The following ADGRB1 variants were observed in gnomAD, a reference collection of about 807,000 sequenced individuals.
The protein encoded by ADGRB1 is brain-specific angiogenesis inhibitor 1.
Under a neutral mutation model 175.7 loss-of-function variants are expected in ADGRB1, and 36 were observed. The ratio of observed to expected loss-of-function variants is 0.20; its 90% CI spans 0.16 to 0.27. The LOEUF (loss-of-function observed/expected upper bound fraction) is 0.27. Ranked by LOEUF, ADGRB1 falls within the 10% of genes least tolerant of loss-of-function variation. The pLI, the probability that ADGRB1 is intolerant of heterozygous loss-of-function variation, is 1.00. For missense variants in ADGRB1, 1,731 were observed against 2,255.3 expected (o/e 0.77, Z 4.71); for synonymous variants, 1,054 against 979.4 (o/e 1.08, Z -1.42).
chr8:142,481,806 A>T (rs767031849), intron 11 of ADGRB1, 95 bp downstream of exon 11: 1 of 1,118,336 alleles, frequency 8.9e-7, no homozygotes, highest in Non-Finnish European at 1.2e-6. Flanking sequence ...CCCTGGCCAC[A>T]GCCCAGGCCC....
chr8:142,454,758 G>T (rs915318691), intron 1 of ADGRB1, among the ~76,000 whole-genome samples: 3 of 152,040 alleles, frequency 2.0e-5, no homozygotes, highest in African/African-American at 7.2e-5. Context: ...GGCTCCGGAC[G>T]TCTCCACTCC....
At chr8:142,458,665 G>A (rs183045125) in intron 1 of ADGRB1, among the ~76,000 whole-genome samples, 3 of 151,920 alleles carry the variant, frequency 2.0e-5, no homozygotes, top group Non-Finnish European at 4.4e-5. Context: ...GGCACCCCCC[G>A]CCCTCCCTGA....
In ADGRB1 at chr8:142,489,036, G is replaced by A. The variant is rs2131873663; in HGVS notation, c.2454G>A (p.Glu818=). 1 of 1,611,818 alleles carries A rather than the reference G, an allele frequency of 6.2e-7. No individual in the cohort carries two copies. The highest frequency in any genetic ancestry group is 1.7e-5 in the Admixed American group (1 of 59,906). ...SKSVFSTGLT[E]ADEASVFVVG... is the part of the protein sequence containing the mutation. ...GGTTGACAGTGCACTTTCTTCCAGA[G>A]GCCGATGAAGCATCCGTGTTTGTGG... Residue 818 remains glutamate (E), a splice_region_variant and synonymous_variant, in exon 15 of 31, where the codon GAG becomes GAA. Coordinates refer to ENST00000517894, the MANE Select transcript of ADGRB1 (RefSeq NM_001702.3).
chr8:142,534,683 C>T (rs1036963080), intron 25 of ADGRB1, among the ~76,000 whole-genome samples: 14 of 152,196 alleles, frequency 9.2e-5, no homozygotes, highest in Non-Finnish European at 1.9e-4. Flanking sequence ...ATGAGGACAG[C>T]AGAGCTCCTG....
chr8:142,462,201 C>T (rs895793042), intron 1 of ADGRB1, among the ~76,000 whole-genome samples: 16 of 152,138 alleles, frequency 1.1e-4, no homozygotes, highest in Non-Finnish European at 1.9e-4. Flanking sequence ...AAAAAATTTT[C>T]TCTTGGGAGC....
chr8:142,544,722 G>A lies in ADGRB1; in HGVS notation c.*305G>A, dbSNP rs1256768813. 4.1e-6 allele frequency: 1 copy of A among 241,142 alleles called. No individual in the cohort carries two copies. The highest frequency in any genetic ancestry group is 2.3e-5 in the African/African-American group (1 of 44,276). The allele number at this position is 241,142 out of a possible 1,614,324, so 14.9% of individuals were successfully genotyped here. A position where few individuals can be genotyped will look rare whatever the true frequency, so the allele number is the denominator to read the frequency against. On this transcript the variant is annotated 3_prime_UTR_variant, in exon 31 of 31. Coordinates refer to ENST00000517894, the MANE Select transcript of ADGRB1 (RefSeq NM_001702.3). ...CGGCTGTGGACCGTGGACAGGCCCA[G>A]CGCGGCCAGCGTCCCAGGGTACCCG...
rs1244302657 is a variant in ADGRB1, at chr8:142,510,431, C to T, written c.2676-501C>T. Reference sequence around the variant, plus strand: ...CCAGCCGGCGCCCTGGGCCGCGGGGCCGGAGAGCTCCGGAGCGGACCCTCG... The same window carrying T: ...CCAGCCGGCGCCCTGGGCCGCGGGGTCGGAGAGCTCCGGAGCGGACCCTCG... On this transcript the variant is annotated intron_variant, in intron 17 of 30. Transcript: ENST00000517894. The surrounding 1 kb of genome is among the most constrained non-coding windows in gnomAD (Gnocchi z 6.3). Among the ~76,000 whole-genome samples, 5 of 152,010 alleles carry T rather than the reference C, an allele frequency of 3.3e-5. No homozygotes were observed. The highest frequency in any genetic ancestry group is 1.2e-4 in the African/African-American group (5 of 41,528).
chr8:142,469,504 AATGT>A (rs776764234), intron 2 of ADGRB1, among the ~76,000 whole-genome samples: 2 of 107,902 alleles, frequency 1.9e-5, no homozygotes, highest in Non-Finnish European at 2.0e-5. Flanking sequence ...TGCATGTGTG[AATGT>A]GTGTGTATGC....
intron 1 of ADGRB1, among the ~76,000 whole-genome samples, chr8:142,453,582 CT>C (rs1405506432): frequency 6.6e-6 from 1 of 152,196 alleles, no homozygotes; most frequent in Non-Finnish European, 1.5e-5. Flanking sequence ...TGGGATCCCC[CT>C]GTAGACAGCC....
intron 19 of ADGRB1, among the ~76,000 whole-genome samples, chr8:142,519,578 GGTGGTGGTGATT>G (rs1257874807): frequency 2.0e-5 from 3 of 151,938 alleles, no homozygotes; most frequent in Non-Finnish European, 2.9e-5. Context: ...TGATGGTGGT[GGTGGTGGTGATT>G]GTGGTGGTGA....
intron 24 of ADGRB1, among the ~76,000 whole-genome samples, chr8:142,532,199 C>T (rs1844660160): frequency 6.6e-6 from 1 of 152,306 alleles, no homozygotes; most frequent in South Asian, 2.1e-4. Context: ...TGATGACAGT[C>T]CTGCGGGCTG....
intron 4 of ADGRB1, 64 bp from the exon 5 acceptor site, chr8:142,477,050 C>G: frequency 6.9e-7 from 1 of 1,440,370 alleles, no homozygotes; most frequent in Non-Finnish European, 9.1e-7. Flanking sequence ...GCTGCGGGGT[C>G]TGGCCCCGGT....
At chr8:142,467,739 G>A (rs190083112) in intron 2 of ADGRB1, among the ~76,000 whole-genome samples, 13 of 152,334 alleles carry the variant, frequency 8.5e-5, no homozygotes, top group Non-Finnish European at 1.2e-4. Context: ...CCGGCTTGCC[G>A]TATGTCCCTG....
At chr8:142,497,459 A>G (rs1480989549) in intron 17 of ADGRB1, among the ~76,000 whole-genome samples, 1 of 146,270 alleles carries the variant, frequency 6.8e-6, no homozygotes, top group Non-Finnish European at 1.5e-5. Context: ...AGTCTCTCCC[A>G]CGCCGGCCGG....
intron 19 of ADGRB1, among the ~76,000 whole-genome samples, chr8:142,520,388 T>A (rs1843731642): frequency 8.7e-6 from 1 of 115,480 alleles, no homozygotes; most frequent in Non-Finnish European, 1.9e-5. Context: ...GTGGTGATGG[T>A]AGTGATTGTG....
intron 17 of ADGRB1, among the ~76,000 whole-genome samples, chr8:142,497,427 G>C (rs1054052058): frequency 3.3e-5 from 5 of 152,152 alleles, no homozygotes; most frequent in Admixed American, 1.3e-4. Flanking sequence ...CCGGGTCGCT[G>C]TCAGCAGCCG....
At chr8:142,525,443 C>A (rs62513303) in intron 23 of ADGRB1, among the ~76,000 whole-genome samples, 37,891 of 151,942 alleles carry the variant, frequency 0.25, 5,100 homozygotes, top group African/African-American at 0.34. Flanking sequence ...AGCAGCCCCT[C>A]CTGTCCTTGG....
At chr8:142,467,876 C>T (rs1407349413) in intron 2 of ADGRB1, among the ~76,000 whole-genome samples, 1 of 152,184 alleles carries the variant, frequency 6.6e-6, no homozygotes, top group African/African-American at 2.4e-5. Context: ...TAAGCAGAAG[C>T]GATGTTGACG....
intron 9 of ADGRB1, 87 bp from the exon 10 acceptor site, chr8:142,481,167 T>C: frequency 7.8e-7 from 1 of 1,288,166 alleles, no homozygotes; most frequent in Non-Finnish European, 1.1e-6. Flanking sequence ...ACAGGGTCCC[T>C]TCCAGAAGGT....
Sources: allele counts gnomAD v4.1 joint callset (sites outside exome capture counted in the v4.1 genomes callset), GRCh38; gene constraint gnomAD v4.1.1; non-coding constraint Gnocchi (gnomAD v3.1); transcripts MANE v1.5; gene names NCBI Gene and HGNC (gene_info 2026-07-23, HGNC 2026-07-21).